The following CLASRP variants were observed in gnomAD, a reference collection of about 807,000 sequenced individuals.
CLASRP encodes the protein CLK4-associating serine/arginine rich protein.
A neutral mutation model predicts 99.9 loss-of-function variants in CLASRP; 52 were observed. The observed-to-expected ratio is 0.52, with a 90% confidence interval of 0.42 to 0.66. The LOEUF is 0.66. Among genes scored for constraint, CLASRP ranks in the 30% least tolerant of loss-of-function variants. CLASRP has a pLI of 0.00. For synonymous variants in CLASRP, 379 were observed against 373.0 expected, an observed-to-expected ratio of 1.02 and a Z score of -0.18; for missense variants, 848 against 999.2, an observed-to-expected ratio of 0.85 and a Z score of 2.04.
chr19:45,050,151 A>G (rs752658800), intron 2 of CLASRP, among the ~76,000 whole-genome samples: 2 of 136,320 alleles, frequency 1.5e-5, no homozygotes, highest in Non-Finnish European at 1.5e-5. Context: ...AGGGGAGGGA[A>G]GAAATCAGAG....
chr19:45,057,243 C>T (rs1204915971), intron 6 of CLASRP, among the ~76,000 whole-genome samples: 2 of 152,230 alleles, frequency 1.3e-5, no homozygotes, highest in Non-Finnish European at 2.9e-5. Context: ...CCCTCAGTGA[C>T]ACCTTCCCTC....
In CLASRP at chr19:45,042,665, T is replaced by C. The variant is rs562622805; in HGVS notation, c.99+2354T>C. Among the ~76,000 whole-genome samples, 6 of 150,726 alleles carry C rather than the reference T, an allele frequency of 4.0e-5. No individual in the cohort carries two copies. The East Asian group carries it at 7.8e-4, about 20-fold the overall frequency. ...TCTTGCTTAGTCGCCCAGGCTGGAGTGCAGTGGCATGATGTCAGCTCACTG... is the reference window on the plus strand; with the variant it reads ...TCTTGCTTAGTCGCCCAGGCTGGAGCGCAGTGGCATGATGTCAGCTCACTG... On this transcript the variant is annotated intron_variant, in intron 2 of 20. Coordinates refer to ENST00000221455, the MANE Select transcript of CLASRP (RefSeq NM_007056.3).
At chr19:45,055,277 G>A (rs981367539) in intron 5 of CLASRP, among the ~76,000 whole-genome samples, 2 of 152,194 alleles carry the variant, frequency 1.3e-5, no homozygotes, top group African/African-American at 4.8e-5. Flanking sequence ...TGGGAGGCAC[G>A]GATAGGCCAC....
intron 20 of CLASRP, 84 bp from the exon 21 acceptor site, chr19:45,070,718 GC>G: frequency 7.5e-7 from 1 of 1,336,212 alleles, no homozygotes; most frequent in Non-Finnish European, 1.1e-6. Context: ...ACAGACAAGT[GC>G]CCCGATCACT....
Position 45,067,104 on chromosome 19 carries a change from C to T in CLASRP, c.1410-233C>T, listed in dbSNP as rs908860451. ...GAGGTGACGTGGGCCAGGCAGGGCTCATGATGGCAGGACTGCCCTTAGGCT... is the reference window on the plus strand; with the variant it reads ...GAGGTGACGTGGGCCAGGCAGGGCTTATGATGGCAGGACTGCCCTTAGGCT... On this transcript the variant is annotated intron_variant, in intron 13 of 20. Transcript: ENST00000221455. The surrounding 1 kb of genome is among the most constrained non-coding windows in gnomAD (Gnocchi z 4.9). Among the ~76,000 whole-genome samples the T allele has an allele frequency of 6.6e-6, 1 of 152,196 alleles. No homozygotes were observed. The highest frequency in any genetic ancestry group is 1.5e-5 in the Non-Finnish European group (1 of 68,036).
chr19:45,053,309 A>C, intron 5 of CLASRP, 132 bp downstream of exon 5: 1 of 780,766 alleles, frequency 1.3e-6, no homozygotes, highest in Non-Finnish European at 2.1e-6. Flanking sequence ...CTCCAGCTCT[A>C]CGATAGACTC....
chr19:45,068,555 C>G, intron 16 of CLASRP, 75 bp downstream of exon 16: 1 of 1,158,848 alleles, frequency 8.6e-7, no homozygotes. Flanking sequence ...AGACTCAGCA[C>G]CACTTTGGGA....
rs374480837 is a variant in CLASRP at position 45,064,513 on chromosome 19, G to A, written c.1292G>A (p.Arg431His). The change falls in exon 13 of 21, where the codon CGC becomes CAC. Residue 431 changes from arginine (R) to histidine (H), a missense_variant. Physicochemically the swap from Arg to His is conservative, Grantham distance 29. This residue lies in a region of CLASRP where 489 missense variants were observed against 434.7 expected (regional missense o/e 1.12). Transcript: ENST00000221455. ...SWSRSRSRSR[R>H]YSRSRSRGRR... ...TCCCGCTCCCGCTCCCGCTCCCGGC[G>A]CTATTCCCGGTCCCGTAGCCGTGGC... 3 of 1,535,554 alleles carry A rather than the reference G, an allele frequency of 2.0e-6. No individual in the cohort carries two copies. The highest frequency in any genetic ancestry group is 2.4e-5 in the South Asian group (2 of 83,910).
chr19:45,053,256 A>G (rs539024540), intron 5 of CLASRP, 79 bp downstream of exon 5: 21 of 1,422,554 alleles, frequency 1.5e-5, no homozygotes, highest in Middle Eastern at 1.8e-4. Context: ...TGGGAAGAAA[A>G]GTTTTATCCA....
chr19:45,064,539 C>G lies in CLASRP; in HGVS notation c.1318C>G (p.Arg440Gly). 3.3e-6 allele frequency: 5 copies of G among 1,538,050 alleles called. No individual in the cohort carries two copies. Among genetic ancestry groups the G allele is most frequent in the Non-Finnish European group, 4.4e-6 (5 of 1,146,340 alleles). ...RRYSRSRSRG[R>G]RHSGGGSRDG... ...CTATTCCCGGTCCCGTAGCCGTGGC[C>G]GGCGGCACTCAGGTGGGGGCTCCCG... is the stretch of plus-strand genomic sequence containing the variant. Residue 440 changes from arginine to glycine, a missense_variant, in exon 13 of 21, where the codon CGG becomes GGG. Arg to Gly is a moderately radical substitution (Grantham distance 125). Coordinates refer to ENST00000221455, the MANE Select transcript of CLASRP (RefSeq NM_007056.3).
chr19:45,067,377 CG>C lies in CLASRP; in HGVS notation c.1454del (p.Gly485AlafsTer24). The C allele has an allele frequency of 6.5e-7, 1 of 1,530,322 alleles. No homozygotes were observed. The allele number at this position is 1,530,322 out of a possible 1,614,324, so 94.8% of individuals were successfully genotyped here. A position where few individuals can be genotyped will look rare whatever the true frequency, so the allele number is the denominator to read the frequency against. ...HSGDRYRRGG[R>X]GLRHHSSSRS... ...AGGGGACCGCTACAGGCGGGGCGGC[CG>C]GGGCCTCAGGCACCACAGCAGTAGC... On this transcript the variant is annotated frameshift_variant, in exon 14 of 21. Coordinates refer to ENST00000221455, the MANE Select transcript of CLASRP (RefSeq NM_007056.3). LOFTEE classifies it high-confidence loss of function. This position sits in a 1 kb window ranked among gnomAD's most constrained non-coding sequence, Gnocchi z 4.9.
chr19:45,039,395 C>T (rs1160969425), intron 1 of CLASRP: 1 of 152,198 alleles, frequency 6.6e-6, no homozygotes, highest in Non-Finnish European at 1.5e-5. Context: ...AGCCCAAATC[C>T]TCAGGCCGCG....
At chr19:45,068,170 C>G (rs1041402253) in intron 15 of CLASRP, 116 bp downstream of exon 15, 1 of 897,230 alleles carries the variant, frequency 1.1e-6, no homozygotes, top group South Asian at 1.4e-5. Context: ...GCCCCAGGGA[C>G]AGGGAGGGGA....
chr19:45,068,734 C>T (rs1426620883), intron 16 of CLASRP, among the ~76,000 whole-genome samples: 1 of 152,146 alleles, frequency 6.6e-6, no homozygotes, highest in Non-Finnish European at 1.5e-5. Context: ...CACGGTGGCT[C>T]ACACCTGTAA....
chr19:45,048,473 C>T (rs1034104891), intron 2 of CLASRP, among the ~76,000 whole-genome samples: 33 of 151,256 alleles, frequency 2.2e-4, no homozygotes, highest in Non-Finnish European at 3.5e-4. Flanking sequence ...TTGCAGTGAG[C>T]CGAGATCATG....
chr19:45,052,134 G>T lies in CLASRP; in HGVS notation c.163G>T (p.Ala55Ser). The change falls in exon 3 of 21, where the codon GCA becomes TCA. Residue 55 changes from alanine to serine, a missense_variant. By Grantham distance (99) the Ala-to-Ser change is moderately conservative. Coordinates refer to ENST00000221455, the MANE Select transcript of CLASRP (RefSeq NM_007056.3). ...AGCTTGCAAGGTGCACCTGGATTCT[G>T]CAGTCGCCCTGGCCGCTGAGAGCCC... is the stretch of plus-strand genomic sequence containing the variant. ...GRACKVHLDS[A>S]VALAAESPVN... 1.2e-6 allele frequency: 2 copies of T among 1,614,072 alleles called. No individual in the cohort carries two copies. The highest frequency in any genetic ancestry group is 1.7e-6 in the Non-Finnish European group (2 of 1,180,024).
At chr19:45,062,293 A>AC (rs1200695287) in intron 11 of CLASRP, 98 bp downstream of exon 11, 1 of 786,198 alleles carries the variant, frequency 1.3e-6, no homozygotes, top group Non-Finnish European at 2.3e-6. Flanking sequence ...CTGCTAGGCC[A>AC]CCCCAAGATC....
In CLASRP at chr19:45,064,568, C is replaced by A; in HGVS notation, c.1347C>A (p.Asp449Glu). The change falls in exon 13 of 21, where the codon GAC (aspartate) becomes GAA (glutamate). Residue 449 changes from aspartate to glutamate, a missense_variant. This residue lies in a region of CLASRP where 489 missense variants were observed against 434.7 expected (regional missense o/e 1.12). Transcript: ENST00000221455. Reference protein sequence around the residue: ...GRRHSGGGSRDGHRYSRSPAR... With the variant: ...GRRHSGGGSREGHRYSRSPAR... ...GGCACTCAGGTGGGGGCTCCCGAGA[C>A]GGACACCGGTACTCCCGCTCGCCCG... 10 of 1,540,906 alleles carry A rather than the reference C, an allele frequency of 6.5e-6. No homozygotes were observed. The highest frequency in any genetic ancestry group is 7.8e-6 in the Non-Finnish European group (9 of 1,147,802).
At chr19:45,068,964 TG>T (rs1967165160) in intron 16 of CLASRP, 101 bp from the exon 17 acceptor site, 5 of 1,099,274 alleles carry the variant, frequency 4.5e-6, no homozygotes, top group Admixed American at 2.1e-5. Context: ...CACTCCAGCC[TG>T]GGCGACAGAG....
Sources: gnomAD v4.1 joint callset for allele counts (sites outside exome capture counted in the v4.1 genomes callset) on GRCh38, gnomAD v4.1.1 for gene constraint, gnomAD v4.1.1 regional missense constraint, Gnocchi (gnomAD v3.1) non-coding constraint, MANE v1.5 for transcripts, NCBI Gene and HGNC (gene_info 2026-07-23, HGNC 2026-07-21) for gene names.